PDE10A: variants seen among roughly 807,000 people sequenced by gnomAD.
PDE10A encodes phosphodiesterase 10A.
PDE10A carries 39 observed loss-of-function variants against 97.7 expected under a neutral mutation model. The observed-to-expected ratio is 0.40, with a 90% CI of 0.31 to 0.52. PDE10A has a LOEUF of 0.52. Ranked by LOEUF, PDE10A falls within the 20% of genes least tolerant of loss-of-function variation. The probability of loss-of-function intolerance (pLI) is 0.56; values close to 1 mark genes in which losing one functional copy is unlikely to be tolerated. For missense variants in PDE10A, 731 were observed against 1,047.8 expected, an observed-to-expected ratio of 0.70 and a Z score of 4.17; for synonymous variants, 371 against 376.8, an observed-to-expected ratio of 0.98 and a Z score of 0.18.
rs909008786 is a variant in PDE10A, at chr6:165,489,513, C to A, written c.995-7170G>T. Among the ~76,000 whole-genome samples the A allele has an allele frequency of 2.6e-5, 4 of 152,090 alleles. No individual in the cohort carries two copies. The South Asian group carries it at 8.3e-4, about 32-fold the overall frequency. On this transcript the variant is annotated intron_variant, in intron 2 of 21. Transcript: ENST00000539869. ...CCCAAATGAGAAGGAACCAGAGAAA[C>A]AATTCTGGTAATATGACAAAACAAG...
intron 1 of PDE10A, among the ~76,000 whole-genome samples, chr6:165,712,730 C>G (rs991009344): frequency 6.8e-6 from 1 of 146,968 alleles, no homozygotes; most frequent in Admixed American, 6.9e-5. Context: ...AGCTCTGCCT[C>G]CCGGGTTCAC....
Position 165,399,875 on chromosome 6 carries a change from G to A in PDE10A, c.2077-3416C>T, listed in dbSNP as rs180925761. ...AGTCTCTGCTATTGTTAATAGTGCCGCAATAAACATACATGTGCATGTGTC... is the reference window on the plus strand; with the variant it reads ...AGTCTCTGCTATTGTTAATAGTGCCACAATAAACATACATGTGCATGTGTC... On this transcript the variant is annotated intron_variant, in intron 13 of 21. Transcript: ENST00000539869. Among the ~76,000 whole-genome samples, 18 of 152,212 alleles carry A rather than the reference G, an allele frequency of 1.2e-4. No homozygotes were observed. The South Asian group carries it at 1.9e-3, about 16-fold the overall frequency.
rs1312710499 is a variant in PDE10A at position 165,833,325 on chromosome 6, G to A, written c.-615+154204C>T. On this transcript the variant is annotated intron_variant, in intron 1 of 19. Transcript: ENST00000366882. The stretch of plus-strand genomic sequence containing the variant: ...CCTGGATAAACTGTAATATACAAAC[G>A]TGAACACATTTATCTTCATTAAGTC... Among the ~76,000 whole-genome samples the A allele has an allele frequency of 3.3e-5, 5 of 152,348 alleles. No individual in the cohort carries two copies. In the East Asian group the frequency reaches 5.8e-4, roughly 18 times the overall value.
intron 1 of PDE10A, among the ~76,000 whole-genome samples, chr6:165,574,509 T>C (rs1446384790): frequency 1.3e-5 from 2 of 152,160 alleles, no homozygotes; most frequent in African/African-American, 4.8e-5. Context: ...AAAAACTATT[T>C]CACCTCAAAA....
At chr6:165,809,110 G>A (rs1362722427) in intron 1 of PDE10A, among the ~76,000 whole-genome samples, 1 of 152,178 alleles carries the variant, frequency 6.6e-6, no homozygotes, top group Non-Finnish European at 1.5e-5. Context: ...TAAAATGTAA[G>A]TGTACACAGC....
chr6:165,598,510 G>T lies in PDE10A; in HGVS notation c.866-54942C>A, dbSNP rs186313120. Among the ~76,000 whole-genome samples, 33 of 152,208 alleles carry T rather than the reference G, an allele frequency of 2.2e-4. No homozygotes were observed. In the East Asian group the frequency reaches 6.0e-3, roughly 28 times the overall value. On this transcript the variant is annotated intron_variant, in intron 1 of 21. Coordinates refer to ENST00000539869, the MANE Select transcript of PDE10A (RefSeq NM_001385079.1). ...AGTTCATACCTTCCTTTATAATCAG[G>T]GTACAAATGGTGTGGCCCCTGCTGT...
At chr6:165,434,701 C>A (rs1789868509) in intron 6 of PDE10A, among the ~76,000 whole-genome samples, 1 of 152,172 alleles carries the variant, frequency 6.6e-6, no homozygotes, top group Non-Finnish European at 1.5e-5. Context: ...GATAGCCTTA[C>A]TGGAAGCGGG....
intron 13 of PDE10A, among the ~76,000 whole-genome samples, chr6:165,397,788 CT>C (rs1304488516): frequency 6.7e-6 from 1 of 150,312 alleles, no homozygotes; most frequent in Non-Finnish European, 1.5e-5. Flanking sequence ...AAATATTTAG[CT>C]TCCTTCTTGG....
chr6:165,388,457 TA>T lies in PDE10A; in HGVS notation c.2455-5del. The T allele has an allele frequency of 6.2e-7, 1 of 1,613,668 alleles. No homozygotes were observed. The highest frequency in any genetic ancestry group is 8.5e-7 in the Non-Finnish European group (1 of 1,179,746). On this transcript the variant is annotated splice_region_variant and splice_polypyrimidine_tract_variant and intron_variant, in intron 16 of 21. Coordinates refer to ENST00000539869, the MANE Select transcript of PDE10A (RefSeq NM_001385079.1). This position sits in a 1 kb window ranked among gnomAD's most constrained non-coding sequence, Gnocchi z 4.0. ...ACGCAATCAGCAGTCCTTTGCGCTT[TA>T]AAAAATAATATGATGCAGAGATGCT...
chr6:165,958,660 G>T (rs1784248720), intron 1 of PDE10A, among the ~76,000 whole-genome samples: 1 of 150,816 alleles, frequency 6.6e-6, no homozygotes, highest in South Asian at 2.1e-4. Context: ...GAAATGAAAG[G>T]AAAGGAAGGG....
At chr6:165,421,103 G>A (rs977885685) in intron 10 of PDE10A, among the ~76,000 whole-genome samples, 9 of 152,088 alleles carry the variant, frequency 5.9e-5, no homozygotes, top group Admixed American at 1.3e-4. Flanking sequence ...ATAGCAATAA[G>A]ACAAAGGAGA....
intron 1 of PDE10A, among the ~76,000 whole-genome samples, chr6:165,747,504 T>A (rs1562716212): frequency 6.6e-6 from 1 of 152,208 alleles, no homozygotes; most frequent in Non-Finnish European, 1.5e-5. Flanking sequence ...AACATCACAT[T>A]GCTAGTTTGT....
intron 1 of PDE10A, among the ~76,000 whole-genome samples, chr6:165,689,902 G>A (rs746553147): frequency 5.3e-5 from 8 of 152,162 alleles, no homozygotes; most frequent in Admixed American, 2.0e-4. Context: ...TTCTGCCACC[G>A]GGTGAGTACA....
chr6:165,548,949 G>T (rs980407235), intron 1 of PDE10A, among the ~76,000 whole-genome samples: 1 of 152,136 alleles, frequency 6.6e-6, no homozygotes, highest in Non-Finnish European at 1.5e-5. Context: ...GAATAAATTT[G>T]ATCTGTTTCT....
chr6:165,902,924 A>G (rs1782154714), intron 1 of PDE10A, among the ~76,000 whole-genome samples: 1 of 152,240 alleles, frequency 6.6e-6, no homozygotes, highest in African/African-American at 2.4e-5. Flanking sequence ...TGTTAAGTGA[A>G]CCAGAAATAA....
intron 1 of PDE10A, among the ~76,000 whole-genome samples, chr6:165,789,065 G>A (rs948568340): frequency 3.3e-5 from 5 of 152,188 alleles, no homozygotes; most frequent in African/African-American, 1.2e-4. Flanking sequence ...ATCCTCTGTG[G>A]GGGCTGGAGG....
In PDE10A at chr6:165,659,104, G is replaced by C. The variant is rs950773316; in HGVS notation, c.865+2843C>G. ...GAGCGAACCAGCCGGTCAGTGTGAA[G>C]AGCCAAAACGCAGAGCTAAAATGGA... On this transcript the variant is annotated intron_variant, in intron 1 of 21. Coordinates refer to ENST00000539869, the MANE Select transcript of PDE10A (RefSeq NM_001385079.1). Among the ~76,000 whole-genome samples, 16 of 152,306 alleles carry C rather than the reference G, an allele frequency of 1.1e-4. No homozygotes were observed. The East Asian group carries it at 2.9e-3, about 28-fold the overall frequency.
At chr6:165,848,596 A>C (rs2128474456) in intron 1 of PDE10A, among the ~76,000 whole-genome samples, 1 of 152,260 alleles carries the variant, frequency 6.6e-6, no homozygotes, top group South Asian at 2.1e-4. Context: ...CCTGGCATGA[A>C]AGTTGTTGGG....
At chr6:165,707,843 A>T (rs1407062371) in intron 1 of PDE10A, among the ~76,000 whole-genome samples, 1 of 152,078 alleles carries the variant, frequency 6.6e-6, no homozygotes, top group East Asian at 1.9e-4. Flanking sequence ...GGGGATCTTG[A>T]ATACACAGCT....
Sources: gnomAD v4.1 joint callset for allele counts (sites outside exome capture counted in the v4.1 genomes callset) on GRCh38, gnomAD v4.1.1 for gene constraint, Gnocchi (gnomAD v3.1) non-coding constraint, MANE v1.5 for transcripts, NCBI Gene and HGNC (gene_info 2026-07-23, HGNC 2026-07-21) for gene names.